Variants in B9D1 observed in about 807,000 individuals in gnomAD.
The protein encoded by B9D1 is B9 domain-containing protein 1.
In B9D1, 20 loss-of-function variants were observed where a neutral mutation model predicts 26.1. The ratio of observed to expected loss-of-function variants is 0.77; its 90% CI spans 0.54 to 1.12. The LOEUF is 1.12. Ranked by LOEUF, B9D1 falls within the 50% of genes most tolerant of loss-of-function variation. The probability of loss-of-function intolerance (pLI) is 0.00; values close to 1 mark genes in which losing one functional copy is unlikely to be tolerated. For synonymous variants in B9D1, 105 were observed against 103.1 expected (o/e 1.02, Z -0.11); for missense variants, 260 against 273.7 (o/e 0.95, Z 0.35).
At position 19,370,733 on chromosome 17, in the gene B9D1, C is replaced by T. The variant is rs1567912231; in HGVS notation, c.-298+7126G>A. ...CCATCTGGCCGTGAGGTCAGCCACC[C>T]AGCCAGGCCTCTGGAAGCCATGGGC... is the stretch of plus-strand genomic sequence containing the variant. On this transcript the variant is annotated intron_variant, in intron 1 of 5. Coordinates refer to the B9D1 transcript ENST00000477478. The surrounding 1 kb of genome is among the most constrained non-coding windows in gnomAD (Gnocchi z 5.1). 6.6e-6 allele frequency among the ~76,000 whole-genome samples: 1 copy of T among 152,224 alleles called. No individual in the cohort carries two copies. Among genetic ancestry groups the T allele is most frequent in the Non-Finnish European group, 1.5e-5 (1 of 68,038 alleles).
intron 5 of B9D1, 23 bp from the exon 6 acceptor site, chr17:19,343,880 G>A (rs892672245): frequency 1.2e-6 from 2 of 1,613,652 alleles, no homozygotes; most frequent in African/African-American, 1.3e-5. Flanking sequence ...AAGAACACAG[G>A]TGAGCAGGGC....
Position 19,370,215 on chromosome 17 carries a change from C to T in B9D1, c.-298+7644G>A, listed in dbSNP as rs1042580035. Among the ~76,000 whole-genome samples the T allele has an allele frequency of 6.6e-5, 10 of 152,176 alleles. No homozygotes were observed. The highest frequency in any genetic ancestry group is 3.2e-3 in the Middle Eastern group (1 of 316). ...AGATGGGGCAGCTGTTGCAGGAACACGATTTGAGTTGTTTTTTGAAAGATT... is the reference window on the plus strand; with the variant it reads ...AGATGGGGCAGCTGTTGCAGGAACATGATTTGAGTTGTTTTTTGAAAGATT... On this transcript the variant is annotated intron_variant, in intron 1 of 5. Transcript: ENST00000477478. This position sits in a 1 kb window ranked among gnomAD's most constrained non-coding sequence, Gnocchi z 5.1.
chr17:19,357,239 A>G (rs1598081407), intron 3 of B9D1, among the ~76,000 whole-genome samples: 1 of 152,256 alleles, frequency 6.6e-6, no homozygotes, highest in East Asian at 1.9e-4. Flanking sequence ...CATAGTCCCC[A>G]TGGAGACTAA....
chr17:19,367,696 G>A (rs1911672875), upstream of B9D1, among the ~76,000 whole-genome samples: 2 of 152,202 alleles, frequency 1.3e-5, no homozygotes, highest in African/African-American at 4.8e-5. Context: ...GTTCTAGAAA[G>A]TCCTTCCTGC....
At chr17:19,341,740 G>A (rs1907988679), downstream of B9D1, among the ~76,000 whole-genome samples, 1 of 152,222 alleles carries the variant, frequency 6.6e-6, no homozygotes, top group African/African-American at 2.4e-5. Context: ...TGCAGGGCAG[G>A]CGAAGGAACA....
At chr17:19,376,483 G>C (rs1220914814) in intron 1 of B9D1, among the ~76,000 whole-genome samples, 2 of 151,982 alleles carry the variant, frequency 1.3e-5, no homozygotes, top group East Asian at 3.9e-4. Flanking sequence ...ATAAAACCTA[G>C]GTCTCCTGGC....
At chr17:19,369,903 T>C (rs141201484) in intron 1 of B9D1, among the ~76,000 whole-genome samples, 1,589 of 152,276 alleles carry the variant, frequency 0.01, 29 homozygotes, top group African/African-American at 0.036. Context: ...GCAGGATTCC[T>C]ACCTAGTGCC....
chr17:19,361,739 A>G (rs992970359), intron 1 of B9D1, among the ~76,000 whole-genome samples: 2 of 152,176 alleles, frequency 1.3e-5, no homozygotes, highest in South Asian at 4.1e-4. Context: ...CCTCACAATA[A>G]TATTATAAAA....
At chr17:19,357,480 G>A (rs1567899873) in intron 3 of B9D1, 4 of 367,298 alleles carry the variant, frequency 1.1e-5, no homozygotes, top group East Asian at 6.6e-5. Context: ...GGGTCTAGCC[G>A]GAACACAACA....
chr17:19,339,487 G>A (rs918756264), downstream of B9D1, among the ~76,000 whole-genome samples: 1 of 152,176 alleles, frequency 6.6e-6, no homozygotes, highest in East Asian at 1.9e-4. Context: ...CTGCCACGCA[G>A]CTGCTTAGCC....
At chr17:19,361,180 AG>A (rs760434401) in intron 1 of B9D1, among the ~76,000 whole-genome samples, 12 of 152,072 alleles carry the variant, frequency 7.9e-5, no homozygotes, top group Non-Finnish European at 1.2e-4. Flanking sequence ...AAGCAAACTC[AG>A]GGCTCCCACT....
chr17:19,356,384 G>T (rs1910360112), intron 3 of B9D1, among the ~76,000 whole-genome samples: 1 of 152,190 alleles, frequency 6.6e-6, no homozygotes, highest in African/African-American at 2.4e-5. Context: ...GAGCCACCAT[G>T]CCCAGCCCAA....
chr17:19,340,044 C>CCA (rs1907786961), downstream of B9D1, among the ~76,000 whole-genome samples: 1 of 148,656 alleles, frequency 6.7e-6, no homozygotes, highest in Non-Finnish European at 1.5e-5. Flanking sequence ...CCCCCCCCCC[C>CCA]CCCCGGCTTC....
chr17:19,344,505 C>T (rs1487516464), intron 5 of B9D1: 1 of 278,916 alleles, frequency 3.6e-6, no homozygotes, highest in African/African-American at 2.3e-5. Context: ...TGTCAGGCCC[C>T]GCCGCCGACA....
chr17:19,360,461 G>A, intron 1 of B9D1, 73 bp from the exon 2 acceptor site: 2 of 1,367,996 alleles, frequency 1.5e-6, no homozygotes, highest in African/African-American at 1.4e-5. Context: ...GGCAGGTGCA[G>A]CCAAGGGGAA....
intron 1 of B9D1, chr17:19,377,718 G>T (rs765251537): frequency 2.6e-5 from 12 of 463,564 alleles, no homozygotes; most frequent in Non-Finnish European, 3.4e-5. Context: ...GGGGTGGGTC[G>T]GGACAGCTCG....
downstream of B9D1, chr17:19,335,138 T>C (rs573894065): frequency 3.5e-5 from 10 of 285,686 alleles, no homozygotes; most frequent in East Asian, 4.6e-4. Flanking sequence ...GAAGAAAATA[T>C]GGGAATTTGA....
intron 3 of B9D1, among the ~76,000 whole-genome samples, chr17:19,348,413 C>T (rs1027865022): frequency 6.6e-6 from 1 of 152,132 alleles, no homozygotes; most frequent in African/African-American, 2.4e-5. Flanking sequence ...GCCATTGAGG[C>T]GCATGAGGCA....
chr17:19,347,248 G>C lies in B9D1; in HGVS notation c.404+21C>G. The C allele has an allele frequency of 6.2e-7, 1 of 1,614,190 alleles. No individual in the cohort carries two copies. Among genetic ancestry groups the C allele is most frequent in the Non-Finnish European group, 8.5e-7 (1 of 1,180,032 alleles). On this transcript the variant is annotated intron_variant, in intron 5 of 6. Transcript: ENST00000261499. This position sits in a 1 kb window ranked among gnomAD's most constrained non-coding sequence, Gnocchi z 4.3. Reference sequence around the variant, plus strand: ...CATCCAGTAGATCAGGAGGGGCTGGGGTTATGGGTACAAAACTCACCTTGT... The same window carrying C: ...CATCCAGTAGATCAGGAGGGGCTGGCGTTATGGGTACAAAACTCACCTTGT...
Sources: allele counts gnomAD v4.1 joint callset (sites outside exome capture counted in the v4.1 genomes callset), GRCh38; gene constraint gnomAD v4.1.1; non-coding constraint Gnocchi (gnomAD v3.1); transcripts MANE v1.5; gene names NCBI Gene and HGNC (gene_info 2026-07-23, HGNC 2026-07-21).